MRTFA: variants seen among roughly 807,000 people sequenced by gnomAD.
The protein encoded by MRTFA is myocardin-related transcription factor A.
In MRTFA, 20 loss-of-function variants were observed where a neutral mutation model predicts 83.5. The observed-to-expected ratio is 0.24, with a 90% CI of 0.17 to 0.35. MRTFA has a LOEUF of 0.35. Among genes scored for constraint, MRTFA ranks in the 10% least tolerant of loss-of-function variants. The pLI is 1.00. For synonymous variants in MRTFA, 659 were observed against 541.2 expected (o/e 1.22, Z -3.02); for missense variants, 1,200 against 1,224.7 (o/e 0.98, Z 0.30).
At chr22:40,495,400 C>T (rs549030225) in intron 3 of MRTFA, among the ~76,000 whole-genome samples, 24 of 148,748 alleles carry the variant, frequency 1.6e-4, no homozygotes, top group South Asian at 1.1e-3. Flanking sequence ...TGCAGTGAGC[C>T]GAGATTGCGC....
chr22:40,505,776 C>T (rs542588377), intron 3 of MRTFA, among the ~76,000 whole-genome samples: 2 of 152,292 alleles, frequency 1.3e-5, no homozygotes, highest in South Asian at 2.1e-4. Flanking sequence ...ACAAGACAAC[C>T]AAACCTGCTG....
rs184988642 is a variant in MRTFA, at chr22:40,497,519, C to G, written c.242-34233G>C. Among the ~76,000 whole-genome samples, 5 of 152,186 alleles carry G rather than the reference C, an allele frequency of 3.3e-5. No homozygotes were observed. In the East Asian group the frequency reaches 9.6e-4, roughly 29 times the overall value. On this transcript the variant is annotated intron_variant, in intron 3 of 14. Transcript: ENST00000355630. ...CCTGTAATCCCAGCACTTTGGGAGG[C>G]CAAAACAGGTGGATCACAAGGTCAG...
chr22:40,504,476 A>T (rs1364259898), intron 3 of MRTFA, among the ~76,000 whole-genome samples: 1 of 152,240 alleles, frequency 6.6e-6, no homozygotes, highest in Non-Finnish European at 1.5e-5. Flanking sequence ...ACATCACATC[A>T]GCCTTTCTGT....
chr22:40,431,317 A>G, intron 6 of MRTFA, 88 bp downstream of exon 6: 1 of 1,267,254 alleles, frequency 7.9e-7, no homozygotes. Flanking sequence ...TGGGAGAAGA[A>G]AGAGGCAGGA....
At chr22:40,451,562 A>T (rs1569272347) in intron 4 of MRTFA, among the ~76,000 whole-genome samples, 1 of 152,104 alleles carries the variant, frequency 6.6e-6, no homozygotes, top group Non-Finnish European at 1.5e-5. Flanking sequence ...AAGAGTGCAA[A>T]CTGTTCCAGC....
chr22:40,487,245 T>C (rs1322898776), intron 3 of MRTFA, among the ~76,000 whole-genome samples: 1 of 152,200 alleles, frequency 6.6e-6, no homozygotes, highest in Non-Finnish European at 1.5e-5. Flanking sequence ...ATGTCATAAA[T>C]ATTTATAAGT....
chr22:40,492,106 T>G (rs2054281102), intron 3 of MRTFA, among the ~76,000 whole-genome samples: 1 of 152,186 alleles, frequency 6.6e-6, no homozygotes, highest in African/African-American at 2.4e-5. Flanking sequence ...AATCTTGGCC[T>G]TCTCCTCCAG....
At chr22:40,580,590 T>C (rs1317601959) in intron 2 of MRTFA, among the ~76,000 whole-genome samples, 2 of 152,208 alleles carry the variant, frequency 1.3e-5, no homozygotes, top group East Asian at 1.9e-4. Context: ...CATACTGCCA[T>C]ATTTGCGTCA....
At chr22:40,541,952 C>G (rs1193356175) in intron 3 of MRTFA, among the ~76,000 whole-genome samples, 4 of 152,034 alleles carry the variant, frequency 2.6e-5, no homozygotes, top group African/African-American at 9.7e-5. Context: ...AGGCGTGAGC[C>G]ACTGCATCCA....
intron 1 of MRTFA, among the ~76,000 whole-genome samples, chr22:40,623,783 A>C (rs1369829824): frequency 2.0e-5 from 3 of 152,236 alleles, no homozygotes; most frequent in Non-Finnish European, 4.4e-5. Context: ...CAGGTAACTG[A>C]ATTTACCTCT....
At chr22:40,571,026 C>CAAA (rs71199292) in intron 2 of MRTFA, among the ~76,000 whole-genome samples, 1,368 of 46,658 alleles carry the variant, frequency 0.029, 205 homozygotes, top group East Asian at 0.043. Context: ...CCTGTCTCTA[C>CAAA]AAAAAAAAAA....
chr22:40,428,797 T>C (rs1199665229), intron 7 of MRTFA, among the ~76,000 whole-genome samples: 4 of 152,106 alleles, frequency 2.6e-5, no homozygotes, highest in Non-Finnish European at 5.9e-5. Context: ...ACTGAGGACC[T>C]GGCCTCCCAC....
intron 1 of MRTFA, among the ~76,000 whole-genome samples, chr22:40,603,843 G>A (rs992287062): frequency 2.0e-5 from 3 of 150,592 alleles, no homozygotes; most frequent in Non-Finnish European, 4.4e-5. Context: ...GAACTCCTGG[G>A]CTCAAGTGAT....
chr22:40,439,011 T>A (rs919839793), intron 4 of MRTFA, among the ~76,000 whole-genome samples: 1 of 152,206 alleles, frequency 6.6e-6, no homozygotes, highest in Admixed American at 6.5e-5. Context: ...ATATTCCTAA[T>A]CATTCTACAT....
chr22:40,584,917 C>T (rs5995878), intron 2 of MRTFA, among the ~76,000 whole-genome samples: 1,742 of 151,878 alleles, frequency 0.011, 38 homozygotes, highest in Middle Eastern at 0.078. Context: ...TGGTGGCGCA[C>T]GCCTGTAGTC....
chr22:40,523,027 T>G (rs556093527), intron 3 of MRTFA: 1 of 152,210 alleles, frequency 6.6e-6, no homozygotes, highest in Non-Finnish European at 1.5e-5. Context: ...AAACCAAGGT[T>G]TGTTATCAGG....
intron 3 of MRTFA, among the ~76,000 whole-genome samples, chr22:40,530,909 T>C (rs553437776): frequency 2.2e-4 from 34 of 152,340 alleles, no homozygotes; most frequent in African/African-American, 7.5e-4. Context: ...CTTATACTTA[T>C]CAGGGAAAGT....
intron 3 of MRTFA, among the ~76,000 whole-genome samples, chr22:40,547,709 G>A (rs1430195704): frequency 2.0e-5 from 3 of 152,016 alleles, no homozygotes; most frequent in Non-Finnish European, 4.4e-5. Context: ...TTAAAAATCA[G>A]TCTGGCGTGG....
At chr22:40,508,513 C>CCA (rs1329265499) in intron 3 of MRTFA, among the ~76,000 whole-genome samples, 3 of 26,040 alleles carry the variant, frequency 1.2e-4, no homozygotes, top group Non-Finnish European at 2.2e-4. Flanking sequence ...CTCCGTCTCT[C>CCA]AAAAAAAAAA....
Sources: allele counts gnomAD v4.1 joint callset (sites outside exome capture counted in the v4.1 genomes callset), GRCh38; gene constraint gnomAD v4.1.1; transcripts MANE v1.5; gene names NCBI Gene and HGNC (gene_info 2026-07-23, HGNC 2026-07-21).